PRKG1: variants seen among roughly 807,000 people sequenced by gnomAD.
PRKG1 encodes cGMP-dependent protein kinase 1.
Under a neutral mutation model 88.1 loss-of-function variants are expected in PRKG1, and 35 were observed. The observed-to-expected ratio is 0.40, with a 90% CI of 0.30 to 0.53. PRKG1 has a LOEUF of 0.53. PRKG1 is among the 20% of genes least tolerant of loss of function. The pLI, the probability that PRKG1 is intolerant of heterozygous loss-of-function variation, is 0.59. For synonymous variants in PRKG1, 303 were observed against 292.5 expected (o/e 1.04, Z -0.37); for missense variants, 540 against 839.8 (o/e 0.64, Z 4.41).
chr10:51,241,370 T>C (rs1176181969), intron 2 of PRKG1, among the ~76,000 whole-genome samples: 1 of 151,724 alleles, frequency 6.6e-6, no homozygotes. Flanking sequence ...AATCATCGAA[T>C]TATCAGAGTT....
At chr10:51,349,936 T>C (rs1378217320) in intron 2 of PRKG1, among the ~76,000 whole-genome samples, 1 of 152,150 alleles carries the variant, frequency 6.6e-6, no homozygotes, top group African/African-American at 2.4e-5. Flanking sequence ...ATGAGCTTAC[T>C]CTCTATAGAA....
intron 2 of PRKG1, among the ~76,000 whole-genome samples, chr10:51,457,951 C>A (rs111232824): frequency 0.033 from 4,998 of 152,208 alleles, 93 homozygotes; most frequent in Admixed American, 0.058. Flanking sequence ...CTGCCCCAGG[C>A]CATTTGTATA....
chr10:51,219,360 T>G (rs1271977847), intron 2 of PRKG1, among the ~76,000 whole-genome samples: 1 of 152,124 alleles, frequency 6.6e-6, no homozygotes, highest in Non-Finnish European at 1.5e-5. Context: ...AGACAAGCAG[T>G]GTACTGTAGT....
chr10:51,371,029 G>A (rs553780250), intron 2 of PRKG1, among the ~76,000 whole-genome samples: 25 of 151,772 alleles, frequency 1.6e-4, no homozygotes, highest in African/African-American at 5.8e-4. Flanking sequence ...TCATTTGTCC[G>A]CATGGTATAG....
intron 5 of PRKG1, among the ~76,000 whole-genome samples, chr10:51,988,082 C>T (rs1187123436): frequency 6.6e-6 from 1 of 151,976 alleles, no homozygotes; most frequent in Non-Finnish European, 1.5e-5. Flanking sequence ...TCACAGGTAA[C>T]CACCATTCTA....
chr10:51,964,455 G>T (rs1056119247), intron 5 of PRKG1, among the ~76,000 whole-genome samples: 1 of 152,156 alleles, frequency 6.6e-6, no homozygotes, highest in Non-Finnish European at 1.5e-5. Context: ...AAAGTTCAGC[G>T]TTGATGGTAA....
chr10:51,479,114 C>T (rs552867519), intron 3 of PRKG1, among the ~76,000 whole-genome samples: 3 of 150,436 alleles, frequency 2.0e-5, no homozygotes, highest in African/African-American at 7.3e-5. Context: ...CCTGTGCTTT[C>T]TTTTTTTTTC....
chr10:52,001,938 G>C (rs1395701994), intron 5 of PRKG1, among the ~76,000 whole-genome samples: 1 of 151,938 alleles, frequency 6.6e-6, no homozygotes, highest in African/African-American at 2.4e-5. Context: ...AGTTGGGGCT[G>C]ATTCTCTTCC....
intron 3 of PRKG1, among the ~76,000 whole-genome samples, chr10:51,756,380 G>T (rs1008311065): frequency 1.4e-4 from 22 of 151,908 alleles, no homozygotes; most frequent in Admixed American, 3.3e-4. Flanking sequence ...CCAGTTAGTT[G>T]GGAGGCTGAG....
In PRKG1 at chr10:51,823,866, C is replaced by CT. The variant is rs5784887; in HGVS notation, c.698+19201dup. Among the ~76,000 whole-genome samples, 362 of 78,704 alleles carry CT rather than the reference C, an allele frequency of 4.6e-3. 1 individual carries two copies. The highest frequency in any genetic ancestry group is 8.1e-3 in the East Asian group (21 of 2,608). The allele number at this position is 78,704 out of a possible 152,430, so 51.6% of individuals were successfully genotyped here. Reference sequence around the variant, plus strand: ...TATCCAGAATTTTTTTTTCTCTCTCCTTTTTTTTTTTTTTTTTTTTTTTTT... The same window carrying CT: ...TATCCAGAATTTTTTTTTCTCTCTCCTTTTTTTTTTTTTTTTTTTTTTTTTT... On this transcript the variant is annotated intron_variant, in intron 4 of 17. Coordinates refer to ENST00000373980, the MANE Select transcript of PRKG1 (RefSeq NM_006258.4).
rs528818022 is a variant in PRKG1 at position 52,297,885 on chromosome 10, A to T, written c.*3985A>T. On this transcript the variant is annotated 3_prime_UTR_variant, in exon 18 of 18. Coordinates refer to ENST00000373980, the MANE Select transcript of PRKG1 (RefSeq NM_006258.4). ...TTTTTCCGAGTTCTTGTATATGCAA[A>T]TCATTTACGAGGCAAGTTTTCAACA... 1.3e-5 allele frequency: 2 copies of T among 152,268 alleles called. No homozygotes were observed. The highest frequency in any genetic ancestry group is 1.3e-4 in the Admixed American group (2 of 15,276). The allele number at this position is 152,268 out of a possible 1,614,324, so 9.4% of individuals were successfully genotyped here. A position where few individuals can be genotyped will look rare whatever the true frequency, so the allele number is the denominator to read the frequency against.
intron 2 of PRKG1, among the ~76,000 whole-genome samples, chr10:51,196,026 G>A (rs1837755804): frequency 6.6e-6 from 1 of 152,132 alleles, no homozygotes; most frequent in Admixed American, 6.6e-5. Flanking sequence ...CTAAGTTCTA[G>A]TGTATACTTG....
At chr10:52,224,394 C>T (rs1337943680) in intron 9 of PRKG1, among the ~76,000 whole-genome samples, 2 of 151,988 alleles carry the variant, frequency 1.3e-5, no homozygotes, top group Non-Finnish European at 2.9e-5. Flanking sequence ...AATTGCAGCC[C>T]TCTGGTTTTT....
At chr10:51,457,329 G>GA (rs1202869074) in intron 2 of PRKG1, among the ~76,000 whole-genome samples, 2 of 152,162 alleles carry the variant, frequency 1.3e-5, no homozygotes, top group Non-Finnish European at 1.5e-5. Context: ...CTCAGGAATA[G>GA]AAAATCAAAT....
chr10:51,576,401 G>A (rs1837887778), intron 3 of PRKG1, among the ~76,000 whole-genome samples: 1 of 151,800 alleles, frequency 6.6e-6, no homozygotes, highest in Admixed American at 6.6e-5. Flanking sequence ...CTATATAAAA[G>A]GATTGATATA....
At chr10:51,430,784 C>T (rs935807489) in intron 2 of PRKG1, among the ~76,000 whole-genome samples, 1 of 152,124 alleles carries the variant, frequency 6.6e-6, no homozygotes, top group African/African-American at 2.4e-5. Context: ...AATGAATGAA[C>T]TACAACATAG....
chr10:51,425,638 G>A (rs1838556025), intron 2 of PRKG1, among the ~76,000 whole-genome samples: 1 of 152,158 alleles, frequency 6.6e-6, no homozygotes, highest in Admixed American at 6.5e-5. Context: ...AACAGACTGG[G>A]AAGCAGCTGT....
At chr10:51,864,729 C>G (rs1346605916) in intron 4 of PRKG1, among the ~76,000 whole-genome samples, 2 of 152,050 alleles carry the variant, frequency 1.3e-5, no homozygotes, top group Non-Finnish European at 2.9e-5. Context: ...ATGTTTCAGA[C>G]CAATCACTTA....
chr10:51,067,666 C>T (rs1843769772), intron 1 of PRKG1, among the ~76,000 whole-genome samples: 1 of 151,974 alleles, frequency 6.6e-6, no homozygotes, highest in African/African-American at 2.4e-5. Flanking sequence ...TAATGACTCT[C>T]TACATTAACT....
Sources: allele counts gnomAD v4.1 joint callset (sites outside exome capture counted in the v4.1 genomes callset), GRCh38; gene constraint gnomAD v4.1.1; transcripts MANE v1.5; gene names NCBI Gene and HGNC (gene_info 2026-07-23, HGNC 2026-07-21).